Variants in ART3 observed in about 807,000 individuals in gnomAD.
ART3 encodes the protein ecto-ADP-ribosyltransferase 3.
In ART3, 49 loss-of-function variants were observed where a neutral mutation model predicts 48.5. The observed-to-expected ratio is 1.01, with a 90% CI of 0.80 to 1.28. The LOEUF is 1.28. Among genes scored for constraint, ART3 ranks in the 50% most tolerant of loss-of-function variants. The probability of loss-of-function intolerance (pLI) is 0.00; values close to 1 mark genes in which losing one functional copy is unlikely to be tolerated. For missense variants in ART3, 438 were observed against 454.3 expected (o/e 0.96, Z 0.33); for synonymous variants, 145 against 157.2 (o/e 0.92, Z 0.58).
intron 1 of ART3, among the ~76,000 whole-genome samples, chr4:76,027,826 CT>C (rs2149388069): frequency 6.8e-6 from 1 of 146,450 alleles, no homozygotes; most frequent in African/African-American, 2.6e-5. Flanking sequence ...TCTATAAAAT[CT>C]GGTCCTCAGT....
chr4:76,043,416 G>A (rs902580363), intron 1 of ART3, among the ~76,000 whole-genome samples: 2 of 152,078 alleles, frequency 1.3e-5, no homozygotes, highest in Non-Finnish European at 2.9e-5. Context: ...GGCATGGCGG[G>A]CTGCAGGTCC....
chr4:76,023,491 A>T, intron 1 of ART3: 1 of 1,482,020 alleles, frequency 6.7e-7, no homozygotes. Flanking sequence ...CAATTGAGGA[A>T]TGTCTCAGAA....
At chr4:76,095,617 A>C (rs554178231) in intron 3 of ART3, among the ~76,000 whole-genome samples, 1 of 152,364 alleles carries the variant, frequency 6.6e-6, no homozygotes, top group Non-Finnish European at 1.5e-5. Flanking sequence ...AATGCAGATC[A>C]CAAGGCATCC....
intron 3 of ART3, among the ~76,000 whole-genome samples, chr4:76,092,431 T>C (rs528619940): frequency 3.3e-5 from 5 of 152,338 alleles, no homozygotes; most frequent in Admixed American, 1.3e-4. Context: ...TTTTGTCTTT[T>C]AGTAGTTTAC....
At chr4:76,098,658 C>T (rs1726572584) in intron 4 of ART3, among the ~76,000 whole-genome samples, 1 of 152,060 alleles carries the variant, frequency 6.6e-6, no homozygotes, top group African/African-American at 2.4e-5. Flanking sequence ...ACTTGGGCGG[C>T]TGAAGCAAGA....
At chr4:76,019,941 T>G (rs2149366665) in intron 1 of ART3, among the ~76,000 whole-genome samples, 1 of 152,254 alleles carries the variant, frequency 6.6e-6, no homozygotes, top group South Asian at 2.1e-4. Flanking sequence ...CTTGCATCCT[T>G]GGCAATGGTT....
intron 1 of ART3, among the ~76,000 whole-genome samples, chr4:76,025,882 A>G (rs544992804): frequency 2.2e-4 from 34 of 152,284 alleles, no homozygotes; most frequent in Middle Eastern, 3.4e-3. Flanking sequence ...TTCTGGGCAT[A>G]TGCTTTCATT....
intron 2 of ART3, among the ~76,000 whole-genome samples, chr4:76,080,259 A>G (rs1274560521): frequency 6.6e-6 from 1 of 152,232 alleles, no homozygotes; most frequent in Non-Finnish European, 1.5e-5. Context: ...ATTCAAAGAT[A>G]AAAACGATAC....
At chr4:76,076,597 G>C (rs1721134905) in intron 2 of ART3, among the ~76,000 whole-genome samples, 1 of 152,114 alleles carries the variant, frequency 6.6e-6, no homozygotes, top group Admixed American at 6.5e-5. Flanking sequence ...GGTTCACACT[G>C]TACATAGAAT....
chr4:76,068,517 C>A (rs11097224), intron 1 of ART3, among the ~76,000 whole-genome samples: 93,164 of 152,012 alleles, frequency 0.61, 29,618 homozygotes, highest in East Asian at 0.94. Flanking sequence ...TTAGCAAACT[C>A]ATGCGGGAAC....
At chr4:76,105,491 G>A in intron 10 of ART3, 1 of 1,286,940 alleles carries the variant, frequency 7.8e-7, no homozygotes, top group Non-Finnish European at 1.0e-6. Context: ...AGCTGCCTTT[G>A]TTATTATCTG....
intron 5 of ART3, 52 bp from the exon 6 acceptor site, chr4:76,100,239 C>T: frequency 6.4e-7 from 1 of 1,570,848 alleles, no homozygotes; most frequent in South Asian, 1.1e-5. Flanking sequence ...TAGTAACTGC[C>T]AGTTCTTTTG....
intron 1 of ART3, among the ~76,000 whole-genome samples, chr4:76,047,386 G>A (rs1156570443): frequency 2.0e-5 from 3 of 151,832 alleles, no homozygotes; most frequent in Non-Finnish European, 1.5e-5. Context: ...TTTGTTCAGG[G>A]CCCAGGGCTT....
intron 1 of ART3, among the ~76,000 whole-genome samples, chr4:76,061,405 G>C (rs1187172431): frequency 6.6e-6 from 1 of 152,136 alleles, no homozygotes; most frequent in African/African-American, 2.4e-5. Context: ...TATTACCACT[G>C]ATTTAGGTCA....
chr4:76,028,482 T>C (rs1028188882), intron 1 of ART3, among the ~76,000 whole-genome samples: 7 of 152,222 alleles, frequency 4.6e-5, no homozygotes, highest in Non-Finnish European at 8.8e-5. Flanking sequence ...AAAGGAACAG[T>C]CTGCCCTGAC....
intron 1 of ART3, chr4:76,036,636 T>TA (rs1490451230): frequency 2.6e-5 from 4 of 151,472 alleles, no homozygotes; most frequent in African/African-American, 9.8e-5. Context: ...TTTTACTTTA[T>TA]ATATTTTATT....
chr4:76,083,946 C>G (rs1180465805), intron 3 of ART3, among the ~76,000 whole-genome samples: 3 of 152,152 alleles, frequency 2.0e-5, no homozygotes, highest in Non-Finnish European at 4.4e-5. Flanking sequence ...GTCCATTTCC[C>G]CCTTCCCATT....
upstream of ART3, among the ~76,000 whole-genome samples, chr4:76,073,911 C>T (rs949056022): frequency 8.5e-5 from 13 of 152,198 alleles, no homozygotes; most frequent in African/African-American, 3.1e-4. Flanking sequence ...TAAAATTTCA[C>T]TTACAGTCTA....
intron 1 of ART3, among the ~76,000 whole-genome samples, chr4:76,042,950 G>A (rs1735116143): frequency 1.3e-5 from 2 of 151,836 alleles, no homozygotes; most frequent in African/African-American, 2.4e-5. Flanking sequence ...TGATTGGTGC[G>A]TTTACAATCC....
Sources: gnomAD v4.1 joint callset for allele counts (sites outside exome capture counted in the v4.1 genomes callset) on GRCh38, gnomAD v4.1.1 for gene constraint, MANE v1.5 for transcripts, NCBI Gene and HGNC (gene_info 2026-07-23, HGNC 2026-07-21) for gene names.